Variants in DOCK6 observed in about 807,000 individuals in gnomAD.
The protein encoded by DOCK6 is dedicator of cytokinesis protein 6.
In DOCK6, 167 loss-of-function variants were observed where a neutral mutation model predicts 230.3. That is an observed-to-expected ratio of 0.73 (90% CI 0.64 to 0.82). The LOEUF (loss-of-function observed/expected upper bound fraction) is 0.82. Among genes scored for constraint, DOCK6 ranks in the 40% least tolerant of loss-of-function variants. The pLI is 0.00. For synonymous variants in DOCK6, 1,148 were observed against 1,185.0 expected (o/e 0.97, Z 0.64); for missense variants, 2,598 against 2,825.8 (o/e 0.92, Z 1.83).
rs1173327958 is a variant in DOCK6, at chr19:11,201,734, G to A, written c.5688+155C>T. 6.6e-6 allele frequency among the ~76,000 whole-genome samples: 1 copy of A among 150,798 alleles called. No homozygotes were observed. Among genetic ancestry groups the A allele is most frequent in the East Asian group, 2.0e-4 (1 of 5,078 alleles). ...CTGGTCTCCTCCCCTCCCCTCCCTGGGGATCTGGTCTAGGGTCCCTGTGCC... is the reference window on the plus strand; with the variant it reads ...CTGGTCTCCTCCCCTCCCCTCCCTGAGGATCTGGTCTAGGGTCCCTGTGCC... On this transcript the variant is annotated intron_variant, in intron 44 of 47. Transcript: ENST00000294618. The surrounding 1 kb of genome is among the most constrained non-coding windows in gnomAD (Gnocchi z 4.3).
chr19:11,261,434 G>A (rs2052705072), intron 1 of DOCK6, among the ~76,000 whole-genome samples: 1 of 142,582 alleles, frequency 7.0e-6, no homozygotes, highest in African/African-American at 2.6e-5. Flanking sequence ...GTCTCTCTCC[G>A]CCACTATATC....
chr19:11,201,849 T>TC lies in DOCK6; in HGVS notation c.5688+39dup. ...TCCCCTCCCAGGGTCTGATGTCCCC[T>TC]CACCTCCCCACCCCCGCCAGGCCCA... is the stretch of plus-strand genomic sequence containing the variant. On this transcript the variant is annotated intron_variant, in intron 44 of 47. Coordinates refer to ENST00000294618, the MANE Select transcript of DOCK6 (RefSeq NM_020812.4). This position sits in a 1 kb window ranked among gnomAD's most constrained non-coding sequence, Gnocchi z 4.3. The TC allele has an allele frequency of 1.4e-6, 1 of 733,382 alleles. No homozygotes were observed. The highest frequency in any genetic ancestry group is 2.0e-6 in the Non-Finnish European group (1 of 490,634). The allele number at this position is 733,382 out of a possible 1,614,324, so 45.4% of individuals were successfully genotyped here.
intron 29 of DOCK6, 61 bp from the exon 30 acceptor site, chr19:11,217,157 C>T (rs2079503415): frequency 1.9e-6 from 3 of 1,596,910 alleles, no homozygotes; most frequent in African/African-American, 2.7e-5. Context: ...GAATCCTGGC[C>T]AATCTGTATC....
At chr19:11,254,073 T>G in intron 1 of DOCK6, 1 of 223,796 alleles carries the variant, frequency 4.5e-6, no homozygotes, top group Non-Finnish European at 8.7e-6. Flanking sequence ...CATCCTGCTG[T>G]TCCCCAACAC....
chr19:11,252,650 G>A (rs1027799587), intron 3 of DOCK6, 100 bp from the exon 4 acceptor site: 20 of 1,594,564 alleles, frequency 1.3e-5, no homozygotes, highest in South Asian at 2.2e-5. Context: ...CAGACAAGGG[G>A]AGATGGAGGC....
At chr19:11,215,017 A>G (rs976371388) in intron 32 of DOCK6, among the ~76,000 whole-genome samples, 2 of 147,020 alleles carry the variant, frequency 1.4e-5, no homozygotes, top group African/African-American at 5.1e-5. Flanking sequence ...ATCTCGGCTC[A>G]CTGTAAGCTC....
At chr19:11,259,881 C>CTTTTT (rs1205836383) in intron 1 of DOCK6, among the ~76,000 whole-genome samples, 2,807 of 67,682 alleles carry the variant, frequency 0.041, 684 homozygotes, top group East Asian at 0.18. Flanking sequence ...CGCGCCCGGC[C>CTTTTT]TTTTTTTTTT....
chr19:11,253,321 A>T (rs546080283), intron 2 of DOCK6, among the ~76,000 whole-genome samples: 3 of 151,164 alleles, frequency 2.0e-5, no homozygotes, highest in South Asian at 4.2e-4. Flanking sequence ...GGCGAAAGTC[A>T]CTCCCCTCCC....
Position 11,222,109 on chromosome 19 carries a change from CCTT to C in DOCK6, c.3377_3379del (p.Glu1126del). Reference sequence around the variant, plus strand: ...GGGGCTAGACAGGAGCTCTGCTCACCCTTCAGCCTCAGGTTCGAGGGCCAGTGC... The same window carrying C: ...GGGGCTAGACAGGAGCTCTGCTCACCCAGCCTCAGGTTCGAGGGCCAGTGC... On this transcript the variant is annotated inframe_deletion and splice_region_variant, in exon 27 of 48. Transcript: ENST00000294618. This position sits in a 1 kb window ranked among gnomAD's most constrained non-coding sequence, Gnocchi z 4.0. The C allele has an allele frequency of 6.2e-7, 1 of 1,612,900 alleles. No individual in the cohort carries two copies.
chr19:11,253,618 G>A (rs759824373), intron 2 of DOCK6, 21 bp downstream of exon 2: 11 of 1,380,636 alleles, frequency 8.0e-6, no homozygotes, highest in Non-Finnish European at 8.5e-6. Flanking sequence ...AGGGCTGGGG[G>A]CGGACCCCCC....
chr19:11,214,611 C>A lies in DOCK6; in HGVS notation c.4145G>T (p.Gly1382Val). ...DEMEHEALVE[G>V]NLATEASLVV... is the part of the protein sequence containing the mutation. ...TAGGCTTGCCTCGGTTGCCAGGTTCCCTTCCACCAAGGCCTCGTGTTCCAT... is the reference window on the plus strand; with the variant it reads ...TAGGCTTGCCTCGGTTGCCAGGTTCACTTCCACCAAGGCCTCGTGTTCCAT... Residue 1382 changes from glycine (G) to valine (V), a missense_variant, in exon 33 of 48, where the codon GGG (glycine) becomes GTG (valine). Coordinates refer to ENST00000294618, the MANE Select transcript of DOCK6 (RefSeq NM_020812.4). 6.2e-7 allele frequency: 1 copy of A among 1,613,824 alleles called. No individual in the cohort carries two copies. Among genetic ancestry groups the A allele is most frequent in the South Asian group, 1.1e-5 (1 of 91,078 alleles).
At chr19:11,254,615 C>T (rs775057947) in intron 1 of DOCK6, among the ~76,000 whole-genome samples, 1 of 151,130 alleles carries the variant, frequency 6.6e-6, no homozygotes, top group Non-Finnish European at 1.5e-5. Context: ...CCGGGAGGCG[C>T]AGGTTGCAAT....
Position 11,200,626 on chromosome 19 carries a change from G to T in DOCK6, c.5939+90C>A. The T allele has an allele frequency of 1.3e-6, 2 of 1,492,266 alleles. No individual in the cohort carries two copies. The highest frequency in any genetic ancestry group is 9.1e-7 in the Non-Finnish European group (1 of 1,103,320). The allele number at this position is 1,492,266 out of a possible 1,614,324, so 92.4% of individuals were successfully genotyped here. On this transcript the variant is annotated intron_variant, in intron 46 of 47. Transcript: ENST00000294618. The surrounding 1 kb of genome is among the most constrained non-coding windows in gnomAD (Gnocchi z 4.3). ...TGGACTTAATGGGAATCGGGCAGAT[G>T]GGGGAGCCATGCAGAGATCAGATGG...
intron 6 of DOCK6, 26 bp from the exon 7 acceptor site, chr19:11,248,177 G>T: frequency 7.0e-7 from 1 of 1,437,142 alleles, no homozygotes; most frequent in Non-Finnish European, 9.7e-7. Context: ...GGTGGGAGCT[G>T]GGCGGGAGGA....
Position 11,201,031 on chromosome 19 carries a change from C to T in DOCK6, c.5710G>A (p.Val1904Met), listed in dbSNP as rs752408360. ...REETVLTPVE[V>M]AIEDMQKKTR... The stretch of plus-strand genomic sequence containing the variant: ...TTCTTCTGCATGTCCTCGATGGCCA[C>T]CTCCACTGGCGTCAGCACCGTCTGT... Residue 1904 changes from valine (V) to methionine (M), a missense_variant, in exon 45 of 48, where the codon GTG becomes ATG. Transcript: ENST00000294618. This position sits in a 1 kb window ranked among gnomAD's most constrained non-coding sequence, Gnocchi z 4.3. The T allele has an allele frequency of 1.2e-6, 2 of 1,613,854 alleles. No homozygotes were observed. Among genetic ancestry groups the T allele is most frequent in the Non-Finnish European group, 8.5e-7 (1 of 1,179,864 alleles).
In DOCK6 at chr19:11,243,321, G is replaced by T. The variant is rs2079977195; in HGVS notation, c.1323C>A (p.Asp441Glu). Residue 441 changes from aspartate (D) to glutamate (E), a missense_variant, in exon 12 of 48, where the codon GAC (aspartate) becomes GAA (glutamate). Physicochemically the swap from Asp to Glu is conservative, Grantham distance 45. Transcript: ENST00000294618. The surrounding 1 kb of genome is among the most constrained non-coding windows in gnomAD (Gnocchi z 6.3). ...RGPQDRASSG[D>E]DACSFSGFRP... The stretch of plus-strand genomic sequence containing the variant: ...GGAAGCCAGAGAAGCTGCAGGCGTC[G>T]TCCCCACTACTCGCCCGGTCCTGGG... 6.2e-7 allele frequency: 1 copy of T among 1,600,336 alleles called. No individual in the cohort carries two copies. Among genetic ancestry groups the T allele is most frequent in the Non-Finnish European group, 8.5e-7 (1 of 1,174,266 alleles).
rs796341364 is a variant in DOCK6, at chr19:11,260,593, G to GAA, written c.44+1802_44+1803dup. Among the ~76,000 whole-genome samples the GAA allele has an allele frequency of 4.5e-3, 546 of 120,920 alleles. 6 individuals carry two copies. The highest frequency in any genetic ancestry group is 0.016 in the African/African-American group (510 of 32,586). The allele number at this position is 120,920 out of a possible 152,430, so 79.3% of individuals were successfully genotyped here. On this transcript the variant is annotated intron_variant, in intron 1 of 47. Transcript: ENST00000294618. Reference sequence around the variant, plus strand: ...AGACCCTGTCTCAAAAAAAGAAAAGGAAAAAAAAAAAAAGCCTGGGTGCAG... The same window carrying GAA: ...AGACCCTGTCTCAAAAAAAGAAAAGGAAAAAAAAAAAAAAAGCCTGGGTGCAG...
intron 1 of DOCK6, among the ~76,000 whole-genome samples, chr19:11,254,421 TG>T: frequency 6.6e-6 from 1 of 151,560 alleles, no homozygotes; most frequent in South Asian, 2.1e-4. Flanking sequence ...TGGCCAGGCA[TG>T]GTGGCTCACA....
chr19:11,242,116 G>A lies in DOCK6; in HGVS notation c.1572C>T (p.Pro524=), dbSNP rs374761909. Reference sequence around the variant, plus strand: ...GAATCTCCTTGGTGGGCCGGCCCCTGGGGTCCGGGTAGGGCTTGATATGAA... The same window carrying A: ...GAATCTCCTTGGTGGGCCGGCCCCTAGGGTCCGGGTAGGGCTTGATATGAA... The part of the protein sequence containing the change: ...ELLHIKPYPD[P]RGRPTKEILE... The change falls in exon 14 of 48, where the codon CCC becomes CCT. Residue 524 remains proline (P), a synonymous_variant. Transcript: ENST00000294618. 5.7e-5 allele frequency: 87 copies of A among 1,518,104 alleles called. No homozygotes were observed. The African/African-American group carries it at 1.0e-3, about 18-fold the overall frequency. The allele number at this position is 1,518,104 out of a possible 1,614,324, so 94.0% of individuals were successfully genotyped here.
Sources: gnomAD v4.1 joint callset for allele counts (sites outside exome capture counted in the v4.1 genomes callset) on GRCh38, gnomAD v4.1.1 for gene constraint, Gnocchi (gnomAD v3.1) non-coding constraint, MANE v1.5 for transcripts, NCBI Gene and HGNC (gene_info 2026-07-23, HGNC 2026-07-21) for gene names.